LRRC20: variants seen among roughly 807,000 people sequenced by gnomAD.
The protein encoded by LRRC20 is leucine-rich repeat-containing protein 20.
LRRC20 carries 11 observed loss-of-function variants against 14.4 expected under a neutral mutation model. The ratio of observed to expected loss-of-function variants is 0.77; its 90% CI spans 0.48 to 1.27. The LOEUF is 1.27. LRRC20 is among the 50% of genes most tolerant of loss of function. The pLI, the probability that LRRC20 is intolerant of heterozygous loss-of-function variation, is 0.00. For missense variants in LRRC20, 219 were observed against 251.2 expected, an observed-to-expected ratio of 0.87 and a Z score of 0.87; for synonymous variants, 121 against 107.3, an observed-to-expected ratio of 1.13 and a Z score of -0.79.
intron 2 of LRRC20, among the ~76,000 whole-genome samples, chr10:70,368,878 G>A (rs765795066): frequency 1.1e-4 from 16 of 152,132 alleles, no homozygotes; most frequent in Middle Eastern, 3.4e-3. Flanking sequence ...CCGCCTCAGC[G>A]TCCCAAAGTT....
chr10:70,381,230 AC>A (rs1387110542), intron 1 of LRRC20, among the ~76,000 whole-genome samples: 1 of 152,236 alleles, frequency 6.6e-6, no homozygotes, highest in African/African-American at 2.4e-5. Context: ...CTGATATGTA[AC>A]TTTTGGGAAA....
intron 2 of LRRC20, among the ~76,000 whole-genome samples, chr10:70,365,274 G>C (rs938460836): frequency 1.3e-5 from 2 of 152,054 alleles, no homozygotes; most frequent in Admixed American, 6.6e-5. Flanking sequence ...TGGTCAGGCT[G>C]GTCTCGGACT....
chr10:70,372,650 G>A (rs545193038), intron 2 of LRRC20, among the ~76,000 whole-genome samples: 1 of 151,982 alleles, frequency 6.6e-6, no homozygotes, highest in Admixed American at 6.6e-5. Context: ...CACCATGTTA[G>A]CCAGGATGGT....
chr10:70,356,957 T>C (rs1259076649), intron 2 of LRRC20, among the ~76,000 whole-genome samples: 1 of 152,172 alleles, frequency 6.6e-6, no homozygotes, highest in Admixed American at 6.5e-5. Flanking sequence ...AATCCAAATG[T>C]CCATCAGCTG....
chr10:70,329,158 C>T (rs561644216), intron 3 of LRRC20, among the ~76,000 whole-genome samples: 2 of 152,218 alleles, frequency 1.3e-5, no homozygotes, highest in African/African-American at 2.4e-5. Context: ...AGCGGGAAAT[C>T]GTGGCAATGA....
chr10:70,338,946 C>A (rs1842812584), intron 3 of LRRC20, among the ~76,000 whole-genome samples: 1 of 152,204 alleles, frequency 6.6e-6, no homozygotes. Flanking sequence ...CAGGCGTGAG[C>A]CACTGCACCT....
chr10:70,301,837 C>T (rs1311593359), intron 4 of LRRC20, among the ~76,000 whole-genome samples: 2 of 152,200 alleles, frequency 1.3e-5, no homozygotes, highest in African/African-American at 4.8e-5. Context: ...TAATTTTACA[C>T]AAATGTTCAT....
chr10:70,375,755 G>A (rs1844484945), intron 2 of LRRC20, among the ~76,000 whole-genome samples: 1 of 33,028 alleles, frequency 3.0e-5, no homozygotes, highest in South Asian at 1.4e-3. Context: ...AAACACACTC[G>A]GGCACATGCA....
At chr10:70,335,995 A>G (rs1468741556) in intron 3 of LRRC20, among the ~76,000 whole-genome samples, 2 of 152,184 alleles carry the variant, frequency 1.3e-5, no homozygotes, top group Admixed American at 1.3e-4. Context: ...ACATTATGAC[A>G]TGGTGTCTGC....
chr10:70,317,580 T>C (rs925283667), intron 4 of LRRC20, among the ~76,000 whole-genome samples: 1 of 152,160 alleles, frequency 6.6e-6, no homozygotes, highest in African/African-American at 2.4e-5. Flanking sequence ...GGCCTCACTA[T>C]GTTGCTCAGG....
intron 2 of LRRC20, among the ~76,000 whole-genome samples, chr10:70,366,780 T>G (rs1844015465): frequency 6.6e-6 from 1 of 152,164 alleles, no homozygotes; most frequent in East Asian, 1.9e-4. Context: ...ATAATACAAA[T>G]TTTAAAAAGC....
Position 70,301,475 on chromosome 10 carries a change from G to A in LRRC20, c.434C>T (p.Ala145Val), listed in dbSNP as rs1368318751. The change falls in exon 5 of 5, where the codon GCC (alanine) becomes GTC (valine). Residue 145 changes from alanine to valine, a missense_variant. By Grantham distance (64) the Ala-to-Val change is moderately conservative (BLOSUM62 0). Transcript: ENST00000446961. Reference protein sequence around the residue: ...VPVEKLAAMPALRSINLRFNP... With the variant: ...VPVEKLAAMPVLRSINLRFNP... ...GAAGCGGAGGTTGATGCTGCGCAAG[G>A]CTGGCATGGCGGCCAGCTTCTCCAC... The A allele has an allele frequency of 4.3e-6, 7 of 1,613,974 alleles. No homozygotes were observed. The Admixed American group carries it at 1.0e-4, about 23-fold the overall frequency.
chr10:70,376,233 A>G (rs1255598724), intron 2 of LRRC20, among the ~76,000 whole-genome samples: 1 of 152,234 alleles, frequency 6.6e-6, no homozygotes, highest in Non-Finnish European at 1.5e-5. Flanking sequence ...ACAAGCAGGC[A>G]GGCGCCATCA....
intron 3 of LRRC20, among the ~76,000 whole-genome samples, chr10:70,329,940 T>C (rs1842472954): frequency 6.6e-6 from 1 of 152,232 alleles, no homozygotes; most frequent in Non-Finnish European, 1.5e-5. Context: ...GAATAACTGA[T>C]AAATCCCACT....
chr10:70,369,104 TA>T (rs1411368514), intron 2 of LRRC20, among the ~76,000 whole-genome samples: 1 of 152,208 alleles, frequency 6.6e-6, no homozygotes, highest in African/African-American at 2.4e-5. Context: ...ATGTAAATCT[TA>T]AATACAAAGG....
At chr10:70,303,005 C>T (rs1236374838) in intron 4 of LRRC20, among the ~76,000 whole-genome samples, 51 of 150,354 alleles carry the variant, frequency 3.4e-4, no homozygotes, top group Admixed American at 3.4e-3. Flanking sequence ...CCACTGCGCC[C>T]GGCCCTCTAT....
Position 70,330,875 on chromosome 10 carries a change from C to T in LRRC20, c.233-6845G>A, listed in dbSNP as rs372143340. Reference sequence around the variant, plus strand: ...GGTAAGGTGAGGTATATATACACAACCAGTTAAAAACAGCCTCTTAGCATT... The same window carrying T: ...GGTAAGGTGAGGTATATATACACAATCAGTTAAAAACAGCCTCTTAGCATT... On this transcript the variant is annotated intron_variant, in intron 3 of 4. Coordinates refer to ENST00000446961, the MANE Select transcript of LRRC20 (RefSeq NM_001278212.2). Among the ~76,000 whole-genome samples, 19 of 152,314 alleles carry T rather than the reference C, an allele frequency of 1.2e-4. No homozygotes were observed. The East Asian group carries it at 3.5e-3, about 28-fold the overall frequency.
chr10:70,313,823 GAGGTATCTTTC>G (rs1007086503), intron 4 of LRRC20, among the ~76,000 whole-genome samples: 14 of 152,320 alleles, frequency 9.2e-5, no homozygotes, highest in South Asian at 4.1e-4. Flanking sequence ...ATTGGTGTTT[GAGGTATCTTTC>G]AGGTATCTTT....
intron 2 of LRRC20, among the ~76,000 whole-genome samples, chr10:70,364,727 G>A (rs1843903211): frequency 6.6e-6 from 1 of 152,178 alleles, no homozygotes; most frequent in African/African-American, 2.4e-5. Flanking sequence ...CTCAGCCAAA[G>A]CGCAGGTGGG....
Sources: gnomAD v4.1 joint callset for allele counts (sites outside exome capture counted in the v4.1 genomes callset) on GRCh38, gnomAD v4.1.1 for gene constraint, MANE v1.5 for transcripts, NCBI Gene and HGNC (gene_info 2026-07-23, HGNC 2026-07-21) for gene names.